The following PHLPP1 variants were observed in gnomAD, a reference collection of about 807,000 sequenced individuals.
PHLPP1 encodes the protein PH domain and leucine rich repeat protein phosphatase 1.
PHLPP1 carries 42 observed loss-of-function variants against 117.2 expected under a neutral mutation model. The ratio of observed to expected loss-of-function variants is 0.36; its 90% confidence interval spans 0.28 to 0.46. PHLPP1 has a LOEUF of 0.46. Ranked by LOEUF, PHLPP1 falls within the 20% of genes least tolerant of loss-of-function variation. The pLI, the probability that PHLPP1 is intolerant of heterozygous loss-of-function variation, is 1.00. For missense variants in PHLPP1, 2,084 were observed against 2,241.9 expected (o/e 0.93, Z 1.42); for synonymous variants, 1,042 against 970.7 (o/e 1.07, Z -1.37).
intron 1 of PHLPP1, among the ~76,000 whole-genome samples, chr18:62,766,076 A>AT (rs1555670395): frequency 5.4e-3 from 116 of 21,636 alleles, no homozygotes; most frequent in African/African-American, 0.01. Context: ...AAAAAAAAAA[A>AT]ATATATATAT....
intron 11 of PHLPP1, among the ~76,000 whole-genome samples, chr18:62,943,872 T>A (rs953439358): frequency 1.3e-5 from 2 of 152,210 alleles, no homozygotes; most frequent in African/African-American, 4.8e-5. Context: ...CGGGCTATCA[T>A]AGATGGATTA....
At chr18:62,938,994 C>CTTTTTTTT (rs1555683300) in intron 10 of PHLPP1, among the ~76,000 whole-genome samples, 2 of 128,694 alleles carry the variant, frequency 1.6e-5, no homozygotes, top group African/African-American at 2.9e-5. Context: ...TTCTTTCTTT[C>CTTTTTTTT]TTTTTTTTTT....
intron 2 of PHLPP1, chr18:62,838,057 GA>G (rs36069868): frequency 6.7e-6 from 1 of 150,006 alleles, no homozygotes; most frequent in South Asian, 2.1e-4. Flanking sequence ...GAGTTCAATT[GA>G]AAAAAATATA....
In PHLPP1 at chr18:62,979,080, G is replaced by A. The variant is rs570265702; in HGVS notation, c.4803G>A (p.Glu1601=). 4 of 1,613,902 alleles carry A rather than the reference G, an allele frequency of 2.5e-6. No homozygotes were observed. The African/African-American group carries it at 4.0e-5, about 16-fold the overall frequency. ...AGGGCATTGTCATCAGCGCCAACGA[G>A]GATGAGCCAGGTCTGCCCAGGAAGG... The part of the protein sequence containing the change: ...SDEGIVISAN[E]DEPGLPRKAD... The change falls in exon 17 of 17, where the codon GAG becomes GAA. Residue 1601 remains glutamate (E), a synonymous_variant. Transcript: ENST00000262719.
At chr18:62,849,686 A>G (rs1915275536) in intron 3 of PHLPP1, among the ~76,000 whole-genome samples, 1 of 145,630 alleles carries the variant, frequency 6.9e-6, no homozygotes, top group Non-Finnish European at 1.5e-5. Context: ...AGGCATGGTG[A>G]ATGGTGGTTC....
chr18:62,838,966 T>G, intron 3 of PHLPP1, 57 bp downstream of exon 3: 1 of 1,596,898 alleles, frequency 6.3e-7, no homozygotes, highest in South Asian at 1.1e-5. Context: ...ACAAAGTTCC[T>G]TTCTGCTTTA....
In PHLPP1 at chr18:62,978,703, G is replaced by A; in HGVS notation, c.4426G>A (p.Glu1476Lys). ...VPSSSSGMASEISSELSTSEM... is the reference protein window; with the variant it reads ...VPSSSSGMASKISSELSTSEM... ...GTCCTCCAGCAGCGGCATGGCTTCC[G>A]AGATTAGCAGTGAGCTCTCCACTTC... Residue 1476 changes from glutamate (E) to lysine (K), a missense_variant, in exon 17 of 17, where the codon GAG becomes AAG. Transcript: ENST00000262719. This position sits in a 1 kb window ranked among gnomAD's most constrained non-coding sequence, Gnocchi z 7.0. The A allele has an allele frequency of 6.2e-7, 1 of 1,613,822 alleles. No individual in the cohort carries two copies. Among genetic ancestry groups the A allele is most frequent in the Non-Finnish European group, 8.5e-7 (1 of 1,179,866 alleles).
chr18:62,825,051 C>T (rs560292922), intron 1 of PHLPP1, among the ~76,000 whole-genome samples: 281 of 152,102 alleles, frequency 1.8e-3, no homozygotes, highest in African/African-American at 6.5e-3. Flanking sequence ...CTCAGTCTCC[C>T]GGGTTCAAGT....
At chr18:62,766,489 G>T (rs550937687) in intron 1 of PHLPP1, among the ~76,000 whole-genome samples, 1 of 152,118 alleles carries the variant, frequency 6.6e-6, no homozygotes, top group South Asian at 2.1e-4. Context: ...TGCTGTGCTT[G>T]TTCACGCTGT....
At chr18:62,780,449 G>T (rs1913086983) in intron 1 of PHLPP1, among the ~76,000 whole-genome samples, 1 of 152,138 alleles carries the variant, frequency 6.6e-6, no homozygotes, top group African/African-American at 2.4e-5. Flanking sequence ...TGATTGACTT[G>T]GCCTCATGTG....
intron 10 of PHLPP1, among the ~76,000 whole-genome samples, chr18:62,922,847 A>C (rs1909515279): frequency 6.6e-6 from 1 of 152,220 alleles, no homozygotes; most frequent in Middle Eastern, 3.2e-3. Context: ...ACAAGGATTT[A>C]AGTAAGAACA....
At chr18:62,815,163 CT>C (rs397858926) in intron 1 of PHLPP1, among the ~76,000 whole-genome samples, 1,424 of 136,756 alleles carry the variant, frequency 0.01, 5 homozygotes, top group Non-Finnish European at 0.014. Context: ...TTTTTTTCCT[CT>C]TTTTTTTTTT....
chr18:62,883,061 A>G (rs1156420156), intron 4 of PHLPP1, among the ~76,000 whole-genome samples: 2 of 152,066 alleles, frequency 1.3e-5, no homozygotes, highest in African/African-American at 2.4e-5. Flanking sequence ...CTTGTAAAAC[A>G]TGTCAGGTGG....
chr18:62,948,400 A>G (rs895327617), intron 12 of PHLPP1, among the ~76,000 whole-genome samples: 4 of 152,228 alleles, frequency 2.6e-5, no homozygotes, highest in Admixed American at 6.5e-5. Context: ...TATGAAAACT[A>G]ATCCTCTCCT....
At chr18:62,813,154 A>G (rs982802457) in intron 1 of PHLPP1, among the ~76,000 whole-genome samples, 3 of 152,178 alleles carry the variant, frequency 2.0e-5, no homozygotes, top group Non-Finnish European at 4.4e-5. Context: ...GGCTGCCCCA[A>G]CTCACTATAT....
intron 1 of PHLPP1, among the ~76,000 whole-genome samples, chr18:62,725,734 A>G (rs966021630): frequency 6.6e-6 from 1 of 152,256 alleles, no homozygotes; most frequent in African/African-American, 2.4e-5. Flanking sequence ...TTAGGGTATG[A>G]CAGATTTCCT....
At chr18:62,873,065 C>T (rs1403489587) in intron 4 of PHLPP1, among the ~76,000 whole-genome samples, 1 of 151,086 alleles carries the variant, frequency 6.6e-6, no homozygotes, top group Non-Finnish European at 1.5e-5. Flanking sequence ...GTGCGTTTGG[C>T]CCAGTATAAT....
chr18:62,889,567 G>A (rs1599104197), intron 4 of PHLPP1: 2 of 152,404 alleles, frequency 1.3e-5, no homozygotes, highest in East Asian at 3.9e-4. Flanking sequence ...CCTTCCTCCA[G>A]CTCCATTCCT....
At chr18:62,784,863 C>T (rs1378637740) in intron 1 of PHLPP1, among the ~76,000 whole-genome samples, 1 of 151,906 alleles carries the variant, frequency 6.6e-6, no homozygotes, top group Non-Finnish European at 1.5e-5. Context: ...ATGGTCTGTT[C>T]AGGGCAAAAT....
Sources: gnomAD v4.1 joint callset for allele counts (sites outside exome capture counted in the v4.1 genomes callset) on GRCh38, gnomAD v4.1.1 for gene constraint, Gnocchi (gnomAD v3.1) non-coding constraint, MANE v1.5 for transcripts, NCBI Gene and HGNC (gene_info 2026-07-23, HGNC 2026-07-21) for gene names.